The following CNTN6 variants were observed in gnomAD, a reference collection of about 807,000 sequenced individuals.
CNTN6 encodes the protein contactin 6.
A neutral mutation model predicts 122.8 loss-of-function variants in CNTN6; 137 were observed. The ratio of observed to expected loss-of-function variants is 1.12; its 90% CI spans 0.97 to 1.29. The LOEUF is 1.29. CNTN6 is among the 50% of genes most tolerant of loss of function. CNTN6 has a pLI of 0.00. For missense variants in CNTN6, 1,634 were observed against 1,223.4 expected, an observed-to-expected ratio of 1.34 and a Z score of -5.01; for synonymous variants, 570 against 426.0, an observed-to-expected ratio of 1.34 and a Z score of -4.16.
At chr3:1,133,450 G>T (rs1005275310) in intron 1 of CNTN6, among the ~76,000 whole-genome samples, 3 of 152,172 alleles carry the variant, frequency 2.0e-5, no homozygotes, top group African/African-American at 7.2e-5. Context: ...AATGTGGAAA[G>T]TAGCTACCAT....
At chr3:1,357,002 A>G (rs1706665073) in intron 12 of CNTN6, among the ~76,000 whole-genome samples, 2 of 151,918 alleles carry the variant, frequency 1.3e-5, no homozygotes, top group South Asian at 4.1e-4. Context: ...GGTCTTCATG[A>G]AAATTTAGTT....
At chr3:1,182,076 T>C (rs770315291) in intron 2 of CNTN6, among the ~76,000 whole-genome samples, 1 of 152,152 alleles carries the variant, frequency 6.6e-6, no homozygotes, top group Non-Finnish European at 1.5e-5. Context: ...GCATTCAATA[T>C]ATATTGAATA....
chr3:1,295,788 A>T lies in CNTN6; in HGVS notation c.642A>T (p.Leu214Phe), dbSNP rs1212499291. The T allele has an allele frequency of 1.9e-6, 3 of 1,613,686 alleles. No homozygotes were observed. The highest frequency in any genetic ancestry group is 2.5e-6 in the Non-Finnish European group (3 of 1,179,706). The change falls in exon 6 of 23, where the codon TTA becomes TTT. Residue 214 changes from leucine to phenylalanine, a missense_variant. Physicochemically the swap from Leu to Phe is conservative, Grantham distance 22 (BLOSUM62 0). Coordinates refer to ENST00000446702, the MANE Select transcript of CNTN6 (RefSeq NM_001289080.2). ...QRSVQGPPTP[L>F]VQRTDGVMGE... ...GTGTTCAAGGTCCACCCACTCCATT[A>T]GTGCAGCGCACTGATGGTAAGATAA...
At chr3:1,141,957 ACTC>A (rs1012354399) in intron 1 of CNTN6, among the ~76,000 whole-genome samples, 2 of 151,706 alleles carry the variant, frequency 1.3e-5, no homozygotes, top group African/African-American at 2.4e-5. Context: ...AAGTTGGAAA[ACTC>A]CTCTGTAAAA....
chr3:1,252,406 C>T (rs989555261), intron 4 of CNTN6, among the ~76,000 whole-genome samples: 54 of 152,204 alleles, frequency 3.5e-4, no homozygotes, highest in African/African-American at 1.3e-3. Context: ...TAAGGAAAAG[C>T]TATTAATAAT....
intron 2 of CNTN6, among the ~76,000 whole-genome samples, chr3:1,156,761 T>C (rs907253989): frequency 3.3e-5 from 5 of 151,844 alleles, no homozygotes; most frequent in Non-Finnish European, 5.9e-5. Context: ...TTGCCAAGGC[T>C]GAAGTGCAAT....
chr3:1,303,643 T>C (rs748811804), intron 7 of CNTN6, among the ~76,000 whole-genome samples: 1 of 152,158 alleles, frequency 6.6e-6, no homozygotes, highest in Non-Finnish European at 1.5e-5. Context: ...TCTCAGTTAT[T>C]TGTGGGTCTG....
At chr3:1,251,085 T>G (rs540129260) in intron 4 of CNTN6, among the ~76,000 whole-genome samples, 9 of 152,326 alleles carry the variant, frequency 5.9e-5, no homozygotes, top group Admixed American at 5.9e-4. Context: ...TGCATAATAC[T>G]CCTGTCGAAT....
intron 11 of CNTN6, among the ~76,000 whole-genome samples, chr3:1,330,817 G>A (rs1301790356): frequency 6.6e-6 from 1 of 151,860 alleles, no homozygotes; most frequent in Admixed American, 6.6e-5. Context: ...GTTACTCTTG[G>A]AAGAAATGAC....
intron 5 of CNTN6, among the ~76,000 whole-genome samples, chr3:1,290,895 G>A (rs1695209849): frequency 1.3e-5 from 2 of 152,112 alleles, no homozygotes; most frequent in Non-Finnish European, 2.9e-5. Context: ...TACTGAATCT[G>A]TTTTATCAGT....
chr3:1,231,990 A>T (rs1470571188), intron 4 of CNTN6, among the ~76,000 whole-genome samples: 1 of 152,148 alleles, frequency 6.6e-6, no homozygotes. Flanking sequence ...TTCCTTTTGT[A>T]TGTATGTATG....
chr3:1,244,365 AGGGGTT>A (rs2094529111), intron 4 of CNTN6, among the ~76,000 whole-genome samples: 6 of 150,410 alleles, frequency 4.0e-5, no homozygotes, highest in Non-Finnish European at 5.9e-5. Flanking sequence ...GTGAAGGAGA[AGGGGTT>A]GAGGGGTACT....
At chr3:1,104,040 C>G (rs976226380) in intron 1 of CNTN6, among the ~76,000 whole-genome samples, 1 of 151,958 alleles carries the variant, frequency 6.6e-6, no homozygotes, top group Non-Finnish European at 1.5e-5. Flanking sequence ...TGAATACTTA[C>G]TATGTAATAG....
chr3:1,382,085 T>G (rs1160263786), intron 17 of CNTN6, among the ~76,000 whole-genome samples: 1 of 151,510 alleles, frequency 6.6e-6, no homozygotes, highest in East Asian at 1.9e-4. Context: ...TTGCCTTTAT[T>G]AGTCTGTCAG....
intron 4 of CNTN6, among the ~76,000 whole-genome samples, chr3:1,236,878 A>G: frequency 6.6e-6 from 1 of 152,134 alleles, no homozygotes; most frequent in East Asian, 1.9e-4. Context: ...CAGGAGATCA[A>G]GACCATCCTG....
chr3:1,311,473 T>A (rs1324630853), intron 7 of CNTN6, among the ~76,000 whole-genome samples: 1 of 112,494 alleles, frequency 8.9e-6, no homozygotes, highest in Non-Finnish European at 1.8e-5. Context: ...TATGTACATA[T>A]AAAATGTCTT....
At chr3:1,095,936 T>C (rs2090502449) in intron 1 of CNTN6, among the ~76,000 whole-genome samples, 1 of 152,326 alleles carries the variant, frequency 6.6e-6, no homozygotes, top group South Asian at 2.1e-4. Context: ...ATTTCTGTGT[T>C]CTTTATTTTC....
chr3:1,246,211 C>T (rs2094581604), intron 4 of CNTN6, among the ~76,000 whole-genome samples: 1 of 152,078 alleles, frequency 6.6e-6, no homozygotes, highest in Non-Finnish European at 1.5e-5. Flanking sequence ...ATGACATCCT[C>T]CTTCTGCCTC....
chr3:1,373,129 A>G (rs765814708), intron 14 of CNTN6, among the ~76,000 whole-genome samples, 174 bp downstream of exon 14: 3 of 152,088 alleles, frequency 2.0e-5, no homozygotes, highest in Non-Finnish European at 4.4e-5. Flanking sequence ...GAATACAGAC[A>G]TGGAACTGTG....
Sources: allele counts gnomAD v4.1 joint callset (sites outside exome capture counted in the v4.1 genomes callset), GRCh38; gene constraint gnomAD v4.1.1; transcripts MANE v1.5; gene names NCBI Gene and HGNC (gene_info 2026-07-23, HGNC 2026-07-21).